Variants in FREM3 observed in about 807,000 individuals in gnomAD.
The protein encoded by FREM3 is FRAS1-related extracellular matrix protein 3.
Under a neutral mutation model 129.1 loss-of-function variants are expected in FREM3, and 105 were observed. The observed-to-expected ratio is 0.81, with a 90% CI of 0.69 to 0.96. The LOEUF (loss-of-function observed/expected upper bound fraction) is 0.96, where lower values mean the gene tolerates loss of function less well. Ranked by LOEUF, FREM3 falls within the 40% of genes least tolerant of loss-of-function variation. FREM3 has a pLI of 0.00. For synonymous variants in FREM3, 1,014 were observed against 1,044.9 expected (o/e 0.97, Z 0.57); for missense variants, 2,593 against 2,666.3 (o/e 0.97, Z 0.61).
intron 2 of FREM3, among the ~76,000 whole-genome samples, chr4:143,686,622 G>A (rs572654896): frequency 1.3e-5 from 2 of 152,028 alleles, no homozygotes; most frequent in Non-Finnish European, 2.9e-5. Context: ...ATTATATCAA[G>A]CACTCTTTCA....
intron 2 of FREM3, among the ~76,000 whole-genome samples, chr4:143,634,056 A>C (rs957436240): frequency 1.3e-5 from 2 of 152,182 alleles, no homozygotes; most frequent in Non-Finnish European, 2.9e-5. Context: ...GGAGTTGTGT[A>C]GGTATAGTAG....
intron 4 of FREM3, among the ~76,000 whole-genome samples, chr4:143,621,614 A>G (rs1252134895): frequency 1.3e-5 from 2 of 152,216 alleles, no homozygotes; most frequent in South Asian, 4.1e-4. Flanking sequence ...TATTGAGCAG[A>G]CACTGTGCTG....
chr4:143,577,600 C>CT lies in FREM3; in HGVS notation c.*10dup. On this transcript the variant is annotated 3_prime_UTR_variant, in exon 8 of 8. Transcript: ENST00000329798. The stretch of plus-strand genomic sequence containing the variant: ...ACATATCTTGGCTGTTTTTTTCCCT[C>CT]TTAAAGTCTTTCAATCAAAGGAACT... 6.5e-7 allele frequency: 1 copy of CT among 1,533,108 alleles called. No individual in the cohort carries two copies. Among genetic ancestry groups the CT allele is most frequent in the Non-Finnish European group, 8.7e-7 (1 of 1,144,704 alleles). The allele number at this position is 1,533,108 out of a possible 1,614,324, so 95.0% of individuals were successfully genotyped here.
intron 2 of FREM3, among the ~76,000 whole-genome samples, chr4:143,672,076 C>CT (rs1227255653): frequency 3.6e-4 from 55 of 152,298 alleles, no homozygotes; most frequent in African/African-American, 1.3e-3. Flanking sequence ...ATTCCACTGG[C>CT]TAGCGAGCTA....
intron 2 of FREM3, among the ~76,000 whole-genome samples, chr4:143,665,265 G>A (rs190090884): frequency 1.3e-5 from 2 of 152,140 alleles, no homozygotes; most frequent in Non-Finnish European, 2.9e-5. Context: ...TTCTTGGGAC[G>A]CTTTCCTTGA....
intron 2 of FREM3, among the ~76,000 whole-genome samples, chr4:143,651,094 G>A (rs1030723911): frequency 6.6e-6 from 1 of 152,064 alleles, no homozygotes; most frequent in African/African-American, 2.4e-5. Flanking sequence ...AATTTGATTC[G>A]GTTTTAGTCA....
intron 6 of FREM3, among the ~76,000 whole-genome samples, chr4:143,591,489 C>T (rs1396335204): frequency 2.0e-5 from 3 of 152,150 alleles, no homozygotes; most frequent in African/African-American, 2.4e-5. Flanking sequence ...GCCTTCATTT[C>T]GTTATGTACC....
rs900472848 is a variant in FREM3 at position 143,697,470 on chromosome 4, C to T, written c.3206G>A (p.Gly1069Glu). 6.5e-7 allele frequency: 1 copy of T among 1,537,080 alleles called. No homozygotes were observed. The highest frequency in any genetic ancestry group is 8.7e-7 in the Non-Finnish European group (1 of 1,146,882). ...GGACTCCCCGACGAAGACCTTGGGT[C>T]CCACATTGTCCACAGGCAGCACAGT... ...QVTVLPVDNV[G>E]PKVFVGESFI... The change falls in exon 1 of 8, where the codon GGA becomes GAA. Residue 1069 changes from glycine (G) to glutamate (E), a missense_variant. Gly to Glu is a moderately conservative substitution (Grantham distance 98). Transcript: ENST00000329798.
chr4:143,700,008 T>C lies in FREM3; in HGVS notation c.668A>G (p.Tyr223Cys), dbSNP rs1297621904. 3 of 1,504,328 alleles carry C rather than the reference T, an allele frequency of 2.0e-6. No individual in the cohort carries two copies. Among genetic ancestry groups the C allele is most frequent in the South Asian group, 1.3e-5 (1 of 78,922 alleles). The allele number at this position is 1,504,328 out of a possible 1,614,324, so 93.2% of individuals were successfully genotyped here. A position where few individuals can be genotyped will look rare whatever the true frequency, so the allele number is the denominator to read the frequency against. Residue 223 changes from tyrosine to cysteine, a missense_variant, in exon 1 of 8, where the codon TAC (tyrosine) becomes TGC (cysteine). Tyr to Cys is a radical substitution (Grantham distance 194). Coordinates refer to ENST00000329798, the MANE Select transcript of FREM3 (RefSeq NM_001168235.2). ...LPHEDGPLPK[Y>C]GRLVDAVGAP... ...CCCCACCGCGTCCACCAAGCGCCCG[T>C]ACTTGGGCAGGGGGCCGTCCTCGTG...
In FREM3 at chr4:143,698,702, G is replaced by A. The variant is rs1489604140; in HGVS notation, c.1974C>T (p.Arg658=). The A allele has an allele frequency of 6.5e-6, 10 of 1,537,286 alleles. No individual in the cohort carries two copies. Among genetic ancestry groups the A allele is most frequent in the Admixed American group, 2.0e-5 (1 of 50,984 alleles). The part of the protein sequence containing the change: ...RDIMEGRLFY[R]HLGPHSPQSV... ...ATTGAGGGCTGTGTGGTCCAAGATG[G>A]CGGTAGAAGAGTCTCCCTTCCATTA... The change falls in exon 1 of 8, where the codon CGC becomes CGT. Residue 658 remains arginine (R), a synonymous_variant. Coordinates refer to ENST00000329798, the MANE Select transcript of FREM3 (RefSeq NM_001168235.2).
At chr4:143,646,492 G>A (rs926165982) in intron 2 of FREM3, among the ~76,000 whole-genome samples, 1 of 152,128 alleles carries the variant, frequency 6.6e-6, no homozygotes, top group African/African-American at 2.4e-5. Flanking sequence ...ATTGAATCAT[G>A]GGGGCAGTTT....
In FREM3 at chr4:143,610,582, A is replaced by G. The variant is rs76681791; in HGVS notation, c.6028+697T>C. On this transcript the variant is annotated intron_variant, in intron 6 of 7. Coordinates refer to ENST00000329798, the MANE Select transcript of FREM3 (RefSeq NM_001168235.2). ...TCAAATCCTGACAGAAGCATGGTTG[A>G]GAGATGAAGCAGTCACACTAATTTG... Among the ~76,000 whole-genome samples, 601 of 152,312 alleles carry G rather than the reference A, an allele frequency of 3.9e-3. 3 individuals are homozygous for G. Among genetic ancestry groups the G allele is most frequent in the African/African-American group, 0.013 (561 of 41,570 alleles).
intron 2 of FREM3, among the ~76,000 whole-genome samples, chr4:143,630,679 G>T (rs1353612838): frequency 6.6e-6 from 1 of 152,088 alleles, no homozygotes; most frequent in Non-Finnish European, 1.5e-5. Flanking sequence ...ACTTTCTAGA[G>T]AAATGAGAAA....
At chr4:143,676,069 T>G (rs1277379924) in intron 2 of FREM3, among the ~76,000 whole-genome samples, 1 of 152,088 alleles carries the variant, frequency 6.6e-6, no homozygotes, top group Admixed American at 6.6e-5. Flanking sequence ...GATACCAAAG[T>G]CTGGCAGAGA....
intron 2 of FREM3, among the ~76,000 whole-genome samples, chr4:143,670,179 A>G (rs1255407895): frequency 6.6e-6 from 1 of 152,234 alleles, no homozygotes; most frequent in Non-Finnish European, 1.5e-5. Flanking sequence ...TCACTGAGAA[A>G]TTAAGTACAT....
chr4:143,606,501 T>G (rs1391372315), intron 6 of FREM3, among the ~76,000 whole-genome samples: 3 of 152,060 alleles, frequency 2.0e-5, no homozygotes, highest in Non-Finnish European at 4.4e-5. Flanking sequence ...TAGGAAACAC[T>G]AGATGGCCAC....
rs548955876 is a variant in FREM3, at chr4:143,600,607, T to C, written c.6028+10672A>G. 2.4e-3 allele frequency among the ~76,000 whole-genome samples: 371 copies of C among 152,322 alleles called. 1 individual carries two copies. Among genetic ancestry groups the C allele is most frequent in the Non-Finnish European group, 4.5e-3 (308 of 68,026 alleles). ...TAATATGCTGTCAGCATAATGTGTC[T>C]AACAGTAAAATAATCCTAGGTCTAC... On this transcript the variant is annotated intron_variant, in intron 6 of 7. Coordinates refer to ENST00000329798, the MANE Select transcript of FREM3 (RefSeq NM_001168235.2).
chr4:143,627,615 G>C lies in FREM3; in HGVS notation c.5421C>G (p.Ile1807Met). ...AACAACCAATCCAAAGTTACTTACT[G>C]ATAAATGATGTTTCTCCAAGGTATC... The part of the protein sequence containing the change: ...RRGYLGETSF[I>M]SIGTKDETAK... Residue 1807 changes from isoleucine to methionine, a missense_variant and splice_region_variant, in exon 3 of 8, where the codon ATC (isoleucine) becomes ATG (methionine). Around this residue, in one of 2 missense-constraint regions of FREM3, gnomAD observed 2,276 missense variants for 2,267.2 expected, o/e 1.00. Coordinates refer to ENST00000329798, the MANE Select transcript of FREM3 (RefSeq NM_001168235.2). The C allele has an allele frequency of 6.5e-7, 1 of 1,535,550 alleles. No homozygotes were observed.
At position 143,629,910 on chromosome 4, in the gene FREM3, G is replaced by A. The variant is rs563701541; in HGVS notation, c.5276-2150C>T. Among the ~76,000 whole-genome samples, 51 of 152,234 alleles carry A rather than the reference G, an allele frequency of 3.4e-4. No individual in the cohort carries two copies. The South Asian group carries it at 6.2e-3, about 19-fold the overall frequency. On this transcript the variant is annotated intron_variant, in intron 2 of 7. Transcript: ENST00000329798. The stretch of plus-strand genomic sequence containing the variant: ...GGTTAGAGATCAATGCAACACAAAC[G>A]CTTCAAAAGCAAAGTAGGAAAAATC...
Sources: gnomAD v4.1 joint callset for allele counts (sites outside exome capture counted in the v4.1 genomes callset) on GRCh38, gnomAD v4.1.1 for gene constraint, gnomAD v4.1.1 regional missense constraint, MANE v1.5 for transcripts, NCBI Gene and HGNC (gene_info 2026-07-23, HGNC 2026-07-21) for gene names.